Variants in IRF4 observed in about 807,000 individuals in gnomAD.
IRF4 encodes the protein interferon regulatory factor 4.
A neutral mutation model predicts 55.5 loss-of-function variants in IRF4; 13 were observed. That is an observed-to-expected ratio of 0.23 (90% CI 0.15 to 0.37). The LOEUF is 0.37. IRF4 is among the 10% of genes least tolerant of loss of function. IRF4 has a pLI of 1.00. For missense variants in IRF4, 397 were observed against 593.8 expected (o/e 0.67, Z 3.44); for synonymous variants, 249 against 240.7 (o/e 1.03, Z -0.32).
intron 5 of IRF4, among the ~76,000 whole-genome samples, chr6:397,700 C>T (rs551104185): frequency 2.0e-5 from 3 of 152,326 alleles, no homozygotes; most frequent in Admixed American, 1.3e-4. Context: ...ACACATAAAA[C>T]GTCTCTACAG....
rs200431511 is a variant in IRF4 at position 397,164 on chromosome 6, G to A, written c.549G>A (p.Pro183=). The change falls in exon 5 of 9, where the codon CCG becomes CCA. Residue 183 remains proline (P), a synonymous_variant. Transcript: ENST00000380956. The part of the protein sequence containing the change: ...PLDRSWRDYV[P]DQPHPEIPYQ... ...ACCGAAGCTGGAGGGACTACGTCCC[G>A]GATCAGCCACACCCGGAAATCCCGT... The A allele has an allele frequency of 2.2e-4, 360 of 1,614,122 alleles. No homozygotes were observed. Among genetic ancestry groups the A allele is most frequent in the Middle Eastern group, 3.3e-4 (2 of 6,084 alleles).
intron 7 of IRF4, among the ~76,000 whole-genome samples, chr6:404,276 T>C (rs982832341): frequency 1.3e-5 from 2 of 152,236 alleles, no homozygotes; most frequent in Non-Finnish European, 2.9e-5. Context: ...TTTCCAACAA[T>C]GTTCCAGTCC....
At chr6:395,351 A>G (rs113413101) in intron 3 of IRF4, among the ~76,000 whole-genome samples, 5 of 152,234 alleles carry the variant, frequency 3.3e-5, no homozygotes, top group African/African-American at 1.2e-4. Context: ...TTAGTGAGTG[A>G]CTATTTTGCA....
At chr6:399,694 G>A (rs1761351967) in intron 6 of IRF4, among the ~76,000 whole-genome samples, 1 of 152,142 alleles carries the variant, frequency 6.6e-6, no homozygotes, top group Non-Finnish European at 1.5e-5. Context: ...TTGCCCTCTG[G>A]CATCTTTAAA....
chr6:410,755 TC>T lies in IRF4; in HGVS notation c.*3161del, dbSNP rs1183014065. 4.7e-5 allele frequency: 11 copies of T among 231,734 alleles called. No individual in the cohort carries two copies. Among genetic ancestry groups the T allele is most frequent in the African/African-American group, 2.4e-4 (11 of 45,244 alleles). The allele number at this position is 231,734 out of a possible 1,614,324, so 14.4% of individuals were successfully genotyped here. A position where few individuals can be genotyped will look rare whatever the true frequency, so the allele number is the denominator to read the frequency against. Reference sequence around the variant, plus strand: ...TGCTCTCCAGTCACATGCCCCCACTTCCCCACAGGTGAAAGTTTTTCTGAAA... The same window carrying T: ...TGCTCTCCAGTCACATGCCCCCACTTCCCACAGGTGAAAGTTTTTCTGAAA... On this transcript the variant is annotated 3_prime_UTR_variant, in exon 9 of 9. Coordinates refer to ENST00000380956, the MANE Select transcript of IRF4 (RefSeq NM_002460.4).
chr6:395,020 C>T lies in IRF4; in HGVS notation c.403+13C>T, dbSNP rs768399144. 1 of 1,577,162 alleles carries T rather than the reference C, an allele frequency of 6.3e-7. No homozygotes were observed. The highest frequency in any genetic ancestry group is 1.2e-5 in the South Asian group (1 of 86,132). ...GGAGCCAAAAAAGGTAGGGGCTCTCCTGAATTTGGGTCACCTAACAGAGGC... is the reference window on the plus strand; with the variant it reads ...GGAGCCAAAAAAGGTAGGGGCTCTCTTGAATTTGGGTCACCTAACAGAGGC... On this transcript the variant is annotated intron_variant, in intron 3 of 8. Coordinates refer to ENST00000380956, the MANE Select transcript of IRF4 (RefSeq NM_002460.4).
rs1761402234 is a variant in IRF4, at chr6:401,581, G to A, written c.903G>A (p.Arg301=). 1 of 1,614,154 alleles carries A rather than the reference G, an allele frequency of 6.2e-7. No individual in the cohort carries two copies. Among genetic ancestry groups the A allele is most frequent in the Non-Finnish European group, 8.5e-7 (1 of 1,180,044 alleles). Residue 301 remains arginine, a synonymous_variant, in exon 7 of 9, where the codon AGG becomes AGA. Transcript: ENST00000380956. ...CCTACCCAGAGGACAATGGCCAGAGGAAAAACATTGAGAAGCTGCTGAGCC... is the reference window on the plus strand; with the variant it reads ...CCTACCCAGAGGACAATGGCCAGAGAAAAAACATTGAGAAGCTGCTGAGCC... ...LFPYPEDNGQ[R]KNIEKLLSHL... is the part of the protein sequence containing the mutation.
Position 393,526 on chromosome 6 carries a change from A to G in IRF4, c.216+158A>G, listed in dbSNP as rs1363172949. Among the ~76,000 whole-genome samples, 2 of 151,556 alleles carry G rather than the reference A, an allele frequency of 1.3e-5. No homozygotes were observed. Among genetic ancestry groups the G allele is most frequent in the African/African-American group, 2.4e-5 (1 of 41,228 alleles). On this transcript the variant is annotated intron_variant, in intron 2 of 8. Transcript: ENST00000380956. The surrounding 1 kb of genome is among the most constrained non-coding windows in gnomAD (Gnocchi z 5.4). ...GTGGCGTCGCCGGAGCCGCAGGAGG[A>G]GGAAAGGAGGCCTCGGCTCTCAGCG...
chr6:395,968 G>A (rs1246657150), intron 4 of IRF4, 33 bp downstream of exon 4: 5 of 1,548,482 alleles, frequency 3.2e-6, no homozygotes, highest in Middle Eastern at 1.7e-4. Flanking sequence ...CCCTGAGGGC[G>A]AGGCTGTGTG....
At position 398,808 on chromosome 6, in the gene IRF4, AT is replaced by A. The variant is rs1561714228; in HGVS notation, c.638-15del. The A allele has an allele frequency of 6.3e-7, 1 of 1,587,616 alleles. No homozygotes were observed. Among genetic ancestry groups the A allele is most frequent in the East Asian group, 2.2e-5 (1 of 44,734 alleles). On this transcript the variant is annotated intron_variant, in intron 5 of 8. Transcript: ENST00000380956. ...GGACTCTCTGTCTAGACATCATCTGATTTTTATTTGCAAATGCAGGTTGCCA... is the reference window on the plus strand; with the variant it reads ...GGACTCTCTGTCTAGACATCATCTGATTTTATTTGCAAATGCAGGTTGCCA...
At chr6:397,534 A>C in intron 5 of IRF4, 1 of 367,074 alleles carries the variant, frequency 2.7e-6, no homozygotes. Flanking sequence ...CCCACTTTTT[A>C]TATAGAGAGG....
intron 4 of IRF4, chr6:396,172 C>G: frequency 1.9e-6 from 1 of 523,230 alleles, no homozygotes; most frequent in African/African-American, 1.9e-5. Context: ...ATATGCTTCT[C>G]AGGTCTTCTG....
chr6:400,233 C>G (rs776437289), intron 6 of IRF4, among the ~76,000 whole-genome samples: 9 of 152,156 alleles, frequency 5.9e-5, no homozygotes, highest in Non-Finnish European at 1.3e-4. Flanking sequence ...GATTAATTAT[C>G]AGCCATGAGC....
At chr6:397,034 A>AG (rs1761280615) in intron 4 of IRF4, 74 bp from the exon 5 acceptor site, 1 of 1,482,008 alleles carries the variant, frequency 6.7e-7, no homozygotes, top group African/African-American at 1.6e-5. Flanking sequence ...TTCCTATCTC[A>AG]GCCTCTCCTG....
At position 408,606 on chromosome 6, in the gene IRF4, G is replaced by T. The variant is rs909674004; in HGVS notation, c.*1008G>T. The T allele has an allele frequency of 4.4e-6, 1 of 229,440 alleles. No homozygotes were observed. Among genetic ancestry groups the T allele is most frequent in the African/African-American group, 2.2e-5 (1 of 45,108 alleles). 14.2% of individuals were successfully genotyped at this position (229,440 alleles called of 1,614,324 possible). On this transcript the variant is annotated 3_prime_UTR_variant, in exon 9 of 9. Transcript: ENST00000380956. ...CTAAAATTCTTCGCATAAAGAAGAA[G>T]AAATTAAGGAACATAAATCTTAATA...
At chr6:403,239 A>G (rs1761454273) in intron 7 of IRF4, among the ~76,000 whole-genome samples, 1 of 152,210 alleles carries the variant, frequency 6.6e-6, no homozygotes, top group African/African-American at 2.4e-5. Context: ...TGGGGGACCA[A>G]GGAAATTGAA....
chr6:405,704 C>T (rs918751624), intron 8 of IRF4, among the ~76,000 whole-genome samples: 2 of 152,126 alleles, frequency 1.3e-5, no homozygotes, highest in African/African-American at 4.8e-5. Flanking sequence ...CAGACCCTCT[C>T]GTAATGTTCT....
At position 407,698 on chromosome 6, in the gene IRF4, A is replaced by T; in HGVS notation, c.*100A>T. Reference sequence around the variant, plus strand: ...CTGTCTCCCAGGCTGGAGTGCAGTGACACAATCTCAGCTCACTGTGACCTC... The same window carrying T: ...CTGTCTCCCAGGCTGGAGTGCAGTGTCACAATCTCAGCTCACTGTGACCTC... On this transcript the variant is annotated 3_prime_UTR_variant, in exon 9 of 9. Coordinates refer to ENST00000380956, the MANE Select transcript of IRF4 (RefSeq NM_002460.4). The T allele has an allele frequency of 1.8e-6, 2 of 1,106,426 alleles. No homozygotes were observed. The allele number at this position is 1,106,426 out of a possible 1,614,324, so 68.5% of individuals were successfully genotyped here.
rs150149100 is a variant in IRF4 at position 403,605 on chromosome 6, C to T, written c.1100-1413C>T. Among the ~76,000 whole-genome samples the T allele has an allele frequency of 1.0e-2, 1,517 of 152,336 alleles. 13 individuals carry two copies. The highest frequency in any genetic ancestry group is 0.017 in the Non-Finnish European group (1,150 of 68,024). On this transcript the variant is annotated intron_variant, in intron 7 of 8. Transcript: ENST00000380956. ...AGTGTCCTGGGGCTGTAGACTTGCGCGACTAGAACTTACTATTAATCTGTG... is the reference window on the plus strand; with the variant it reads ...AGTGTCCTGGGGCTGTAGACTTGCGTGACTAGAACTTACTATTAATCTGTG...
Sources: allele counts gnomAD v4.1 joint callset (sites outside exome capture counted in the v4.1 genomes callset), GRCh38; gene constraint gnomAD v4.1.1; non-coding constraint Gnocchi (gnomAD v3.1); transcripts MANE v1.5; gene names NCBI Gene and HGNC (gene_info 2026-07-23, HGNC 2026-07-21).